The following OTUD4 variants were observed in gnomAD, a reference collection of about 807,000 sequenced individuals.
OTUD4 encodes the protein OTU domain-containing protein 4.
A neutral mutation model predicts 130.4 loss-of-function variants in OTUD4; 24 were observed. The ratio of observed to expected loss-of-function variants is 0.18; its 90% CI spans 0.13 to 0.26. The LOEUF (loss-of-function observed/expected upper bound fraction) is 0.26, where lower values mean the gene tolerates loss of function less well. Ranked by LOEUF, OTUD4 falls within the 10% of genes least tolerant of loss-of-function variation. The pLI is 1.00. For missense variants in OTUD4, 1,031 were observed against 1,329.4 expected, an observed-to-expected ratio of 0.78 and a Z score of 3.49; for synonymous variants, 420 against 472.5, an observed-to-expected ratio of 0.89 and a Z score of 1.44.
chr4:145,162,306 C>A (rs542563066), intron 6 of OTUD4, among the ~76,000 whole-genome samples: 35 of 152,208 alleles, frequency 2.3e-4, no homozygotes, highest in Admixed American at 2.6e-4. Context: ...GTAATCCCAG[C>A]ACTTTGGGAG....
chr4:145,153,393 T>C (rs1459233956), intron 10 of OTUD4, among the ~76,000 whole-genome samples: 4 of 152,146 alleles, frequency 2.6e-5, no homozygotes, highest in Non-Finnish European at 4.4e-5. Context: ...AGTTTCCTCA[T>C]AATGCAAAAT....
intron 1 of OTUD4, 148 bp from the exon 2 acceptor site, chr4:145,174,892 AT>A (rs1408956290): frequency 3.4e-5 from 20 of 593,218 alleles, no homozygotes; most frequent in Non-Finnish European, 5.8e-5. Flanking sequence ...ATCTTTACTC[AT>A]TCCTACCTCT....
chr4:145,155,627 T>C lies in OTUD4; in HGVS notation c.750A>G (p.Ser250=), dbSNP rs768961100. The change falls in exon 9 of 21, where the codon TCA becomes TCG. Residue 250 remains serine (S), a synonymous_variant. Coordinates refer to ENST00000447906, the MANE Select transcript of OTUD4 (RefSeq NM_001366057.1). The part of the protein sequence containing the change: ...SLPLSRKVLK[S]LNPAVYRNVE... ...CATTTCTATAGACTGCAGGATTGAG[T>C]GACTTAAGAACCTTTCTAGACAAAG... is the stretch of plus-strand genomic sequence containing the variant. 1 of 1,613,176 alleles carries C rather than the reference T, an allele frequency of 6.2e-7. No homozygotes were observed. The highest frequency in any genetic ancestry group is 8.5e-7 in the Non-Finnish European group (1 of 1,179,690).
intron 3 of OTUD4, among the ~76,000 whole-genome samples, chr4:145,168,635 G>C (rs539492983): frequency 4.2e-4 from 64 of 152,258 alleles, no homozygotes; most frequent in African/African-American, 1.5e-3. Flanking sequence ...AACATCATTA[G>C]AGAAATTCAA....
At chr4:145,155,843 A>G (rs1751256896) in intron 8 of OTUD4, 93 bp downstream of exon 8, 1 of 1,107,610 alleles carries the variant, frequency 9.0e-7, no homozygotes, top group Non-Finnish European at 1.3e-6. Context: ...ACTTGACTGA[A>G]ATGTACCAGA....
chr4:145,157,545 G>A (rs1007085213), intron 7 of OTUD4, among the ~76,000 whole-genome samples: 13 of 151,974 alleles, frequency 8.6e-5, no homozygotes, highest in African/African-American at 2.4e-4. Context: ...TTAGCCAGGC[G>A]TGGTGGCACA....
intron 1 of OTUD4, among the ~76,000 whole-genome samples, chr4:145,175,529 G>A (rs1049774898): frequency 6.6e-6 from 1 of 151,922 alleles, no homozygotes; most frequent in African/African-American, 2.4e-5. Flanking sequence ...TTCTAAAGCT[G>A]TGAATTGAAA....
At chr4:145,154,068 A>C (rs77626873) in intron 10 of OTUD4, among the ~76,000 whole-genome samples, 2,803 of 152,366 alleles carry the variant, frequency 0.018, 35 homozygotes, top group Non-Finnish European at 0.028. Context: ...TACCAAAAGC[A>C]GTTTCAACCT....
At chr4:145,158,329 A>C (rs1257913984) in intron 7 of OTUD4, among the ~76,000 whole-genome samples, 1 of 152,018 alleles carries the variant, frequency 6.6e-6, no homozygotes. Context: ...AAAAGTACAA[A>C]AAATTAGCCA....
chr4:145,178,878 GA>G lies in OTUD4; in HGVS notation c.159+936del, dbSNP rs201270474. On this transcript the variant is annotated intron_variant, in intron 1 of 20. Transcript: ENST00000447906. ...CATAAAAACCCCACAGGCGGGTAGG[GA>G]GGGGTGTGCAATGGGGTGTGGGGAG... Among the ~76,000 whole-genome samples the G allele has an allele frequency of 4.1e-3, 617 of 152,310 alleles. 8 individuals are homozygous for G. Among genetic ancestry groups the G allele is most frequent in the African/African-American group, 0.014 (571 of 41,556 alleles).
intron 15 of OTUD4, 87 bp from the exon 16 acceptor site, chr4:145,144,088 CA>C: frequency 2.5e-6 from 3 of 1,183,954 alleles, no homozygotes; most frequent in Admixed American, 3.9e-5. Context: ...TAGAAGAAGC[CA>C]AAAGTATTAT....
intron 11 of OTUD4, among the ~76,000 whole-genome samples, chr4:145,151,567 G>A (rs562799448): frequency 4.6e-5 from 7 of 152,188 alleles, no homozygotes; most frequent in African/African-American, 1.2e-4. Flanking sequence ...CCCGGGAAGC[G>A]GAGGTTGCAG....
chr4:145,172,239 A>C (rs1275653605), intron 2 of OTUD4, among the ~76,000 whole-genome samples: 1 of 152,270 alleles, frequency 6.6e-6, no homozygotes, highest in South Asian at 2.1e-4. Context: ...CTGAGAAATT[A>C]TATGATGAAA....
intron 3 of OTUD4, among the ~76,000 whole-genome samples, chr4:145,165,733 C>T (rs1171974666): frequency 6.6e-6 from 1 of 152,078 alleles, no homozygotes; most frequent in Non-Finnish European, 1.5e-5. Context: ...GCCTCAGTCT[C>T]CCAAAGTGCT....
At chr4:145,152,190 C>A (rs942645574) in intron 11 of OTUD4, among the ~76,000 whole-genome samples, 3 of 152,310 alleles carry the variant, frequency 2.0e-5, no homozygotes, top group African/African-American at 7.2e-5. Flanking sequence ...TGGCTCACTG[C>A]AACCTCTGCC....
intron 1 of OTUD4, among the ~76,000 whole-genome samples, chr4:145,175,778 C>T (rs1431294187): frequency 3.9e-5 from 6 of 151,956 alleles, no homozygotes; most frequent in African/African-American, 7.3e-5. Flanking sequence ...CTCCTGACCT[C>T]GTGATCCGCC....
In OTUD4 at chr4:145,137,099, T is replaced by TA. The variant is rs1750309980; in HGVS notation, c.*330dup. 5.1e-6 allele frequency: 1 copy of TA among 196,434 alleles called. No individual in the cohort carries two copies. The highest frequency in any genetic ancestry group is 1.0e-5 in the Non-Finnish European group (1 of 96,886). 12.2% of individuals were successfully genotyped at this position (196,434 alleles called of 1,614,324 possible). A position where few individuals can be genotyped will look rare whatever the true frequency, so the allele number is the denominator to read the frequency against. ...ACATCTGAAATCAAACTTATAAACT[T>TA]ATAAGGAAAAAAGCCAAACACTAAA... On this transcript the variant is annotated 3_prime_UTR_variant, in exon 21 of 21. Transcript: ENST00000447906.
chr4:145,159,401 C>T lies in OTUD4; in HGVS notation c.629+102G>A, dbSNP rs1751445003. 1.9e-6 allele frequency: 3 copies of T among 1,581,158 alleles called. No individual in the cohort carries two copies. In the Admixed American group the frequency reaches 5.6e-5, roughly 29 times the overall value. On this transcript the variant is annotated intron_variant, in intron 7 of 20. Transcript: ENST00000447906. ...CTGTATTTTATGAATACCATTAATA[C>T]CTCAATATATGTTATAGAAAGACAT...
intron 1 of OTUD4, chr4:145,178,110 T>C (rs1752513378): frequency 1.3e-5 from 2 of 152,282 alleles, no homozygotes; most frequent in South Asian, 4.1e-4. Context: ...CATTACAAAA[T>C]ACAATAAAAT....
Sources: allele counts gnomAD v4.1 joint callset (sites outside exome capture counted in the v4.1 genomes callset), GRCh38; gene constraint gnomAD v4.1.1; transcripts MANE v1.5; gene names NCBI Gene and HGNC (gene_info 2026-07-23, HGNC 2026-07-21).